Variants in SARM1 observed in about 807,000 individuals in gnomAD.
The protein encoded by SARM1 is sterile alpha and TIR motif containing 1.
A neutral mutation model predicts 65.1 loss-of-function variants in SARM1; 60 were observed. The ratio of observed to expected loss-of-function variants is 0.92; its 90% CI spans 0.75 to 1.14. The LOEUF (loss-of-function observed/expected upper bound fraction) is 1.14. Ranked by LOEUF, SARM1 falls within the 50% of genes most tolerant of loss-of-function variation. SARM1 has a pLI of 0.00. For missense variants in SARM1, 913 were observed against 1,015.7 expected, an observed-to-expected ratio of 0.90 and a Z score of 1.37; for synonymous variants, 417 against 465.4, an observed-to-expected ratio of 0.90 and a Z score of 1.34.
chr17:28,381,726 C>T lies in SARM1; in HGVS notation c.994C>T (p.Pro332Ser), dbSNP rs868935674. ...GCCCGACGACCTGCAGCGCCTCGTG[C>T]CGTTGCTCGACTCTAACCGCTTGGA... ...RGPDDLQRLV[P>S]LLDSNRLEAQ... Residue 332 changes from proline to serine, a missense_variant, in exon 2 of 9, where the codon CCG (proline) becomes TCG (serine). Physicochemically the swap from Pro to Ser is moderately conservative, Grantham distance 74. This residue lies in a region of SARM1 where 862 missense variants were observed against 952.1 expected (regional missense o/e 0.91). Transcript: ENST00000585482. The T allele has an allele frequency of 6.4e-7, 1 of 1,551,158 alleles. No individual in the cohort carries two copies. Among genetic ancestry groups the T allele is most frequent in the Non-Finnish European group, 8.7e-7 (1 of 1,148,728 alleles).
In SARM1 at chr17:28,402,640, C is replaced by T; in HGVS notation, c.*6354C>T. ...GATATGGCAGGGCACAGAAAACAAG[C>T]ATGGGCTTTGGAGTCAGCCCTGAGT... is the stretch of plus-strand genomic sequence containing the variant. On this transcript the variant is annotated 3_prime_UTR_variant, in exon 9 of 9. Coordinates refer to ENST00000585482, the MANE Select transcript of SARM1 (RefSeq NM_015077.4). The T allele has an allele frequency of 4.0e-6, 1 of 247,170 alleles. No individual in the cohort carries two copies. Among genetic ancestry groups the T allele is most frequent in the Admixed American group, 4.7e-5 (1 of 21,390 alleles). 15.3% of individuals were successfully genotyped at this position (247,170 alleles called of 1,614,324 possible). A position where few individuals can be genotyped will look rare whatever the true frequency, so the allele number is the denominator to read the frequency against.
Position 28,399,700 on chromosome 17 carries a change from C to T in SARM1, c.*3414C>T. 2 of 1,613,934 alleles carry T rather than the reference C, an allele frequency of 1.2e-6. No individual in the cohort carries two copies. On this transcript the variant is annotated 3_prime_UTR_variant, in exon 9 of 9. Coordinates refer to ENST00000585482, the MANE Select transcript of SARM1 (RefSeq NM_015077.4). ...TGCTGGAACTCGAGGTGAGGATCAG[C>T]CTTTTCCAGCATCCTGTGAGAGACC...
rs782676296 is a variant in SARM1, at chr17:28,384,317, G to A, written c.1090-40G>A. ...GGGCACGTGTGGGAGCACCTGGAGAGCTGGTGGGACCTACAGCCCTCTCCC... is the reference window on the plus strand; with the variant it reads ...GGGCACGTGTGGGAGCACCTGGAGAACTGGTGGGACCTACAGCCCTCTCCC... On this transcript the variant is annotated intron_variant, in intron 2 of 8. Coordinates refer to ENST00000585482, the MANE Select transcript of SARM1 (RefSeq NM_015077.4). The surrounding 1 kb of genome is among the most constrained non-coding windows in gnomAD (Gnocchi z 4.4). 6 of 1,493,798 alleles carry A rather than the reference G, an allele frequency of 4.0e-6. No individual in the cohort carries two copies. Among genetic ancestry groups the A allele is most frequent in the Admixed American group, 2.2e-5 (1 of 46,218 alleles). The allele number at this position is 1,493,798 out of a possible 1,614,324, so 92.5% of individuals were successfully genotyped here.
In SARM1 at chr17:28,402,413, G is replaced by A; in HGVS notation, c.*6127G>A. ...CAGAGCTCCTATCCATACCCCACGTGGGGCTTAGGTTAGACCCAGGAAGAA... is the reference window on the plus strand; with the variant it reads ...CAGAGCTCCTATCCATACCCCACGTAGGGCTTAGGTTAGACCCAGGAAGAA... On this transcript the variant is annotated 3_prime_UTR_variant, in exon 9 of 9. Transcript: ENST00000585482. 9.5e-7 allele frequency: 1 copy of A among 1,054,436 alleles called. No individual in the cohort carries two copies. The highest frequency in any genetic ancestry group is 1.4e-6 in the Non-Finnish European group (1 of 701,918). The allele number at this position is 1,054,436 out of a possible 1,614,324, so 65.3% of individuals were successfully genotyped here.
At chr17:28,383,572 G>A (rs1226323315) in intron 2 of SARM1, among the ~76,000 whole-genome samples, 3 of 152,114 alleles carry the variant, frequency 2.0e-5, no homozygotes, top group African/African-American at 7.2e-5. Flanking sequence ...CCAAGGATTG[G>A]ATCTGGGCCG....
In SARM1 at chr17:28,381,468, G is replaced by A; in HGVS notation, c.736G>A (p.Val246Ile). 4.5e-6 allele frequency: 7 copies of A among 1,552,596 alleles called. No homozygotes were observed. The highest frequency in any genetic ancestry group is 6.1e-6 in the Non-Finnish European group (7 of 1,148,484). Residue 246 changes from valine (V) to isoleucine (I), a missense_variant, in exon 2 of 9, where the codon GTA becomes ATA. Val to Ile is a conservative substitution (Grantham distance 29). Coordinates refer to ENST00000585482, the MANE Select transcript of SARM1 (RefSeq NM_015077.4). ...GGGCCAGGCGGTGCAGCGACGCATGGTAGAGAAGCGCGCAGCCGAGTGGCT... is the reference window on the plus strand; with the variant it reads ...GGGCCAGGCGGTGCAGCGACGCATGATAGAGAAGCGCGCAGCCGAGTGGCT... ...HGGQAVQRRM[V>I]EKRAAEWLFP...
In SARM1 at chr17:28,401,575, A is replaced by G. The variant is rs1555589645; in HGVS notation, c.*5289A>G. On this transcript the variant is annotated 3_prime_UTR_variant, in exon 9 of 9. Transcript: ENST00000585482. ...CTGTTCTTTATAGATATACCAGGAGAACCCACAGTTTACAAAATGTGCAAC... is the reference window on the plus strand; with the variant it reads ...CTGTTCTTTATAGATATACCAGGAGGACCCACAGTTTACAAAATGTGCAAC... The G allele has an allele frequency of 1.3e-5, 2 of 152,314 alleles. No individual in the cohort carries two copies. Among genetic ancestry groups the G allele is most frequent in the African/African-American group, 4.8e-5 (2 of 41,460 alleles). 9.4% of individuals were successfully genotyped at this position (152,314 alleles called of 1,614,324 possible).
Position 28,400,903 on chromosome 17 carries a change from A to G in SARM1, c.*4617A>G, listed in dbSNP as rs2068189210. 1.3e-6 allele frequency: 1 copy of G among 772,786 alleles called. No individual in the cohort carries two copies. Among genetic ancestry groups the G allele is most frequent in the Non-Finnish European group, 2.2e-6 (1 of 452,718 alleles). The allele number at this position is 772,786 out of a possible 1,614,324, so 47.9% of individuals were successfully genotyped here. A position where few individuals can be genotyped will look rare whatever the true frequency, so the allele number is the denominator to read the frequency against. Reference sequence around the variant, plus strand: ...CTTCCTCACCAGTAAATCCTGCTACATCATGTACTGTGACAAGGATTCAGT... The same window carrying G: ...CTTCCTCACCAGTAAATCCTGCTACGTCATGTACTGTGACAAGGATTCAGT... On this transcript the variant is annotated 3_prime_UTR_variant, in exon 9 of 9. Transcript: ENST00000585482.
At chr17:28,375,426 G>A (rs948946786) in intron 1 of SARM1, among the ~76,000 whole-genome samples, 12 of 150,886 alleles carry the variant, frequency 8.0e-5, no homozygotes, top group African/African-American at 2.7e-4. Context: ...GTGAAACCCC[G>A]TCTCTACTAA....
intron 7 of SARM1, among the ~76,000 whole-genome samples, chr17:28,391,887 T>G (rs1456783138): frequency 1.3e-5 from 2 of 149,644 alleles, no homozygotes; most frequent in Non-Finnish European, 3.0e-5. Flanking sequence ...TCCGTTTTTT[T>G]TTTTTTTTTT....
At chr17:28,393,461 G>A (rs2142438760) in intron 7 of SARM1, among the ~76,000 whole-genome samples, 1 of 152,186 alleles carries the variant, frequency 6.6e-6, no homozygotes, top group Non-Finnish European at 1.5e-5. Context: ...TGAGGTGGGA[G>A]GATGGCTTGA....
At chr17:28,377,852 T>C (rs1555584780) in intron 1 of SARM1, among the ~76,000 whole-genome samples, 1 of 152,152 alleles carries the variant, frequency 6.6e-6, no homozygotes, top group Admixed American at 6.5e-5. Flanking sequence ...CGCACACCAC[T>C]ACACCTGGCT....
intron 2 of SARM1, among the ~76,000 whole-genome samples, chr17:28,383,292 G>T (rs2006232): frequency 0.12 from 17,554 of 152,176 alleles, 1,198 homozygotes; most frequent in East Asian, 0.23. Context: ...AAGAATCACA[G>T]GAACCTGGGA....
chr17:28,399,399 C>T lies in SARM1; in HGVS notation c.*3113C>T. The T allele has an allele frequency of 1.9e-6, 1 of 518,930 alleles. No homozygotes were observed. The highest frequency in any genetic ancestry group is 3.3e-5 in the East Asian group (1 of 30,440). 32.1% of individuals were successfully genotyped at this position (518,930 alleles called of 1,614,324 possible). A position where few individuals can be genotyped will look rare whatever the true frequency, so the allele number is the denominator to read the frequency against. On this transcript the variant is annotated 3_prime_UTR_variant, in exon 9 of 9. Transcript: ENST00000585482. Reference sequence around the variant, plus strand: ...ATGGATAGCAGAAAGGGAGAACTGACTCCTGTCCCAAATAGCTCCTCTGCC... The same window carrying T: ...ATGGATAGCAGAAAGGGAGAACTGATTCCTGTCCCAAATAGCTCCTCTGCC...
chr17:28,376,403 C>CAAAAAAAAAA (rs58695374), intron 1 of SARM1, among the ~76,000 whole-genome samples: 75 of 83,728 alleles, frequency 9.0e-4, no homozygotes, highest in Non-Finnish European at 1.1e-3. Flanking sequence ...ACTAAAAATA[C>CAAAAAAAAAA]AAAAAAAAAA....
chr17:28,373,444 G>A (rs781917522), intron 1 of SARM1: 29 of 152,224 alleles, frequency 1.9e-4, no homozygotes, highest in Admixed American at 3.3e-4. Flanking sequence ...AAGTGTGAAG[G>A]GAGTGGGTTG....
intron 2 of SARM1, 82 bp downstream of exon 2, chr17:28,381,903 G>C: frequency 7.3e-7 from 1 of 1,364,870 alleles, no homozygotes; most frequent in Non-Finnish European, 9.4e-7. Context: ...CATTCAACCG[G>C]GTCTTGAAAT....
intron 7 of SARM1, among the ~76,000 whole-genome samples, chr17:28,392,148 A>T (rs1263382223): frequency 6.7e-6 from 1 of 150,134 alleles, no homozygotes; most frequent in African/African-American, 2.5e-5. Context: ...TTGCTCTATC[A>T]CCAGGTTGGA....
At chr17:28,383,987 C>CGTGTGT (rs1453304432) in intron 2 of SARM1, among the ~76,000 whole-genome samples, 1 of 151,916 alleles carries the variant, frequency 6.6e-6, no homozygotes, top group African/African-American at 2.4e-5. Context: ...TGTGCATGTG[C>CGTGTGT]GTGTGTGTGT....
Sources: allele counts gnomAD v4.1 joint callset (sites outside exome capture counted in the v4.1 genomes callset), GRCh38; gene constraint gnomAD v4.1.1; regional missense constraint gnomAD v4.1.1; non-coding constraint Gnocchi (gnomAD v3.1); transcripts MANE v1.5; gene names NCBI Gene and HGNC (gene_info 2026-07-23, HGNC 2026-07-21).